Variants in FAAH2 observed in about 807,000 individuals in gnomAD.
The protein encoded by FAAH2 is fatty-acid amide hydrolase 2.
A neutral mutation model predicts 36.9 loss-of-function variants in FAAH2; 60 were observed. The observed-to-expected ratio is 1.63, with a 90% CI of 1.32 to 2.02. FAAH2 has a LOEUF of 2.02. Among genes scored for constraint, FAAH2 ranks in the 30% most tolerant of loss-of-function variants. FAAH2 has a pLI of 0.00. For missense variants in FAAH2, 689 were observed against 397.5 expected, an observed-to-expected ratio of 1.73 and a Z score of -6.23; for synonymous variants, 214 against 143.8, an observed-to-expected ratio of 1.49 and a Z score of -3.49.
At chrX:57,340,847 G>T (rs1417712118) in intron 4 of FAAH2, among the ~76,000 whole-genome samples, 1 of 111,014 alleles carries the variant, frequency 9.0e-6, no homozygotes. Context: ...ATGGCTGCTG[G>T]GCTTAATACC....
intron 5 of FAAH2, among the ~76,000 whole-genome samples, chrX:57,364,401 A>G (rs1464276936): frequency 9.8e-6 from 1 of 102,388 alleles, no homozygotes; most frequent in East Asian, 3.0e-4. Flanking sequence ...CACATGCAAC[A>G]TAATCTTCAT....
intron 7 of FAAH2, among the ~76,000 whole-genome samples, chrX:57,426,676 A>G (rs2056170648): frequency 8.9e-6 from 1 of 112,171 alleles, no homozygotes; most frequent in Admixed American, 9.5e-5. Flanking sequence ...AAATGTAGAC[A>G]TAAATTAAAT....
chrX:57,373,875 C>T (rs1602443106), intron 5 of FAAH2, among the ~76,000 whole-genome samples: 1 of 111,461 alleles, frequency 9.0e-6, no homozygotes, highest in East Asian at 2.8e-4. Context: ...GTATCTGATC[C>T]ATCTTGAGTT....
chrX:57,418,165 T>G (rs761386639), intron 7 of FAAH2, among the ~76,000 whole-genome samples: 2 of 112,027 alleles, frequency 1.8e-5, no homozygotes, highest in Admixed American at 1.9e-4. Flanking sequence ...CTTGCTGGGT[T>G]CCATGGGGGT....
At chrX:57,167,077 T>G in the FAAH2 span, among the ~76,000 whole-genome samples, 5 of 111,899 alleles carry the variant, frequency 4.5e-5, no homozygotes, top group African/African-American at 1.3e-4. Flanking sequence ...CACAGCTTTA[T>G]GTTGGGATGG....
chrX:57,481,512 T>A (rs758035926), intron 10 of FAAH2, among the ~76,000 whole-genome samples: 1 of 112,235 alleles, frequency 8.9e-6, no homozygotes, highest in African/African-American at 3.2e-5. Context: ...TCTGCAGGTC[T>A]GCTGCGGTTG....
chrX:57,203,195 T>C, the FAAH2 span, among the ~76,000 whole-genome samples: 4 of 112,199 alleles, frequency 3.6e-5, no homozygotes, highest in Non-Finnish European at 7.5e-5. Context: ...GTGATAAGCA[T>C]TGTTTCTATA....
chrX:57,426,537 C>A (rs1267282846), intron 7 of FAAH2, among the ~76,000 whole-genome samples: 1 of 111,487 alleles, frequency 9.0e-6, no homozygotes, highest in Non-Finnish European at 1.9e-5. Context: ...AGAAATCAAA[C>A]TTATAAAAAA....
the FAAH2 span, among the ~76,000 whole-genome samples, chrX:57,141,375 G>A: frequency 2.7e-5 from 3 of 111,868 alleles, no homozygotes; most frequent in East Asian, 2.8e-4. Flanking sequence ...ATATTTATTG[G>A]TAATATTGGC....
chrX:57,416,892 T>C (rs1312909507), intron 7 of FAAH2, among the ~76,000 whole-genome samples: 1 of 112,451 alleles, frequency 8.9e-6, no homozygotes, highest in Admixed American at 9.4e-5. Context: ...TCTTTTCACA[T>C]AGTTTCACAT....
intron 10 of FAAH2, among the ~76,000 whole-genome samples, chrX:57,449,400 G>A (rs898343404): frequency 9.0e-6 from 1 of 111,726 alleles, no homozygotes; most frequent in Non-Finnish European, 1.9e-5. Flanking sequence ...CCTTTGCTCT[G>A]CAATTTTCTA....
the FAAH2 span, among the ~76,000 whole-genome samples, chrX:57,143,372 A>T: frequency 9.0e-6 from 1 of 111,080 alleles, no homozygotes; most frequent in Non-Finnish European, 1.9e-5. Flanking sequence ...GTGGAGAAAA[A>T]AAGAGAAAAC....
intron 10 of FAAH2, among the ~76,000 whole-genome samples, chrX:57,470,312 C>T (rs762230751): frequency 9.0e-6 from 1 of 111,139 alleles, no homozygotes; most frequent in Admixed American, 9.6e-5. Context: ...AATCCAGGAG[C>T]TGGTTTTTTG....
chrX:57,437,348 T>C (rs1569344095), intron 8 of FAAH2, among the ~76,000 whole-genome samples: 1 of 110,735 alleles, frequency 9.0e-6, no homozygotes, highest in Non-Finnish European at 1.9e-5. Context: ...TCACCACTCC[T>C]ATTCAACACA....
chrX:57,224,463 C>A, the FAAH2 span, among the ~76,000 whole-genome samples: 4 of 111,272 alleles, frequency 3.6e-5, no homozygotes, highest in African/African-American at 1.3e-4. Flanking sequence ...TCTCCCGGGG[C>A]CTGAAAGCTT....
At chrX:57,347,844 A>T (rs1457588973) in intron 5 of FAAH2, among the ~76,000 whole-genome samples, 1 of 109,282 alleles carries the variant, frequency 9.2e-6, no homozygotes, top group African/African-American at 3.4e-5. Context: ...TACTGGCAAA[A>T]AATTTTTTGA....
At chrX:57,156,530 G>A in the FAAH2 span, among the ~76,000 whole-genome samples, 1 of 111,692 alleles carries the variant, frequency 9.0e-6, no homozygotes, top group East Asian at 2.8e-4. Flanking sequence ...TCTGGAAATG[G>A]TTTTCCAAGA....
At chrX:57,467,300 G>A (rs2057068733) in intron 10 of FAAH2, among the ~76,000 whole-genome samples, 1 of 111,036 alleles carries the variant, frequency 9.0e-6, no homozygotes, top group African/African-American at 3.3e-5. Context: ...AGCAGGGCAA[G>A]GCATCGCCTC....
At chrX:57,457,729 C>A (rs1212374219) in intron 10 of FAAH2, among the ~76,000 whole-genome samples, 1 of 101,651 alleles carries the variant, frequency 9.8e-6, no homozygotes. Context: ...TACCTAGGAA[C>A]CCATCTAACC....
Sources: gnomAD v4.1 joint callset for allele counts (sites outside exome capture counted in the v4.1 genomes callset) on GRCh38, gnomAD v4.1.1 for gene constraint, MANE v1.5 for transcripts, NCBI Gene and HGNC (gene_info 2026-07-23, HGNC 2026-07-21) for gene names.